Variants in NKAIN2 observed in about 807,000 individuals in gnomAD.
NKAIN2 encodes sodium/potassium-transporting ATPase subunit beta-1-interacting protein 2.
NKAIN2 carries 14 observed loss-of-function variants against 32.6 expected under a neutral mutation model. The observed-to-expected ratio is 0.43, with a 90% confidence interval of 0.28 to 0.67. The LOEUF (loss-of-function observed/expected upper bound fraction) is 0.67, where lower values mean the gene tolerates loss of function less well. Among genes scored for constraint, NKAIN2 ranks in the 30% least tolerant of loss-of-function variants. NKAIN2 has a pLI of 0.17. For missense variants in NKAIN2, 198 were observed against 258.3 expected, an observed-to-expected ratio of 0.77 and a Z score of 1.60; for synonymous variants, 80 against 87.2, an observed-to-expected ratio of 0.92 and a Z score of 0.46.
At chr6:124,015,669 A>T (rs1225908746) in intron 1 of NKAIN2, among the ~76,000 whole-genome samples, 1 of 152,196 alleles carries the variant, frequency 6.6e-6, no homozygotes, top group African/African-American at 2.4e-5. Flanking sequence ...ATCATTAGCT[A>T]TGACTGGGTC....
intron 1 of NKAIN2, among the ~76,000 whole-genome samples, chr6:124,023,353 A>C (rs2114765761): frequency 6.6e-6 from 1 of 151,458 alleles, no homozygotes; most frequent in African/African-American, 2.4e-5. Flanking sequence ...TTTTTCTAAT[A>C]CTCCTTCATT....
At position 124,011,915 on chromosome 6, in the gene NKAIN2, G is replaced by C. The variant is rs147525456; in HGVS notation, c.54+207661G>C. On this transcript the variant is annotated intron_variant, in intron 1 of 6. Transcript: ENST00000368417. ...CTCCCATGATTATGAACATCAATGGGCTTTTCATGATAAATAGGACAGAAT... is the reference window on the plus strand; with the variant it reads ...CTCCCATGATTATGAACATCAATGGCCTTTTCATGATAAATAGGACAGAAT... Among the ~76,000 whole-genome samples, 244 of 152,188 alleles carry C rather than the reference G, an allele frequency of 1.6e-3. 2 individuals are homozygous for C. The highest frequency in any genetic ancestry group is 5.6e-3 in the African/African-American group (231 of 41,526).
intron 1 of NKAIN2, among the ~76,000 whole-genome samples, chr6:123,861,129 A>C (rs1191831186): frequency 6.6e-6 from 1 of 152,202 alleles, no homozygotes; most frequent in Non-Finnish European, 1.5e-5. Context: ...AGGGGCAGAT[A>C]ATGGCTTCCA....
intron 2 of NKAIN2, among the ~76,000 whole-genome samples, chr6:124,341,382 T>G (rs1220759699): frequency 6.6e-6 from 1 of 152,072 alleles, no homozygotes; most frequent in East Asian, 1.9e-4. Context: ...TAAACACATA[T>G]TAAACCATAT....
At position 124,577,926 on chromosome 6, in the gene NKAIN2, C is replaced by T. The variant is rs541439136; in HGVS notation, c.274-80260C>T. ...CCTGAGGCCCGCATTCCAGGCCGTA[C>T]CTTCTAGACAACATTTCTAGACATG... On this transcript the variant is annotated intron_variant, in intron 3 of 6. Transcript: ENST00000368417. 2.6e-5 allele frequency among the ~76,000 whole-genome samples: 4 copies of T among 152,274 alleles called. No individual in the cohort carries two copies. In the South Asian group the frequency reaches 8.3e-4, roughly 32 times the overall value.
In NKAIN2 at chr6:124,244,513, A is replaced by G. The variant is rs551740668; in HGVS notation, c.55-38492A>G. ...ACTGAATGGCTTGTCAAACAGCTTAAGTCAGCCGACCAATCTACCACTATT... is the reference window on the plus strand; with the variant it reads ...ACTGAATGGCTTGTCAAACAGCTTAGGTCAGCCGACCAATCTACCACTATT... On this transcript the variant is annotated intron_variant, in intron 1 of 6. Coordinates refer to ENST00000368417, the MANE Select transcript of NKAIN2 (RefSeq NM_001040214.3). 3.9e-5 allele frequency among the ~76,000 whole-genome samples: 6 copies of G among 152,076 alleles called. No homozygotes were observed. The South Asian group carries it at 1.2e-3, about 32-fold the overall frequency.
chr6:124,412,822 C>A (rs958395950), intron 3 of NKAIN2, among the ~76,000 whole-genome samples: 3 of 152,160 alleles, frequency 2.0e-5, no homozygotes. Context: ...TGGGCTCCAC[C>A]CAGTTCGAGC....
chr6:124,596,663 G>GGTGTGTGTGTGTGTGTGT, intron 3 of NKAIN2, among the ~76,000 whole-genome samples: 2 of 142,602 alleles, frequency 1.4e-5, no homozygotes, highest in South Asian at 4.8e-4. Context: ...TAAACCATAG[G>GGTGTGTGTGTGTGTGTGT]GTGTGTGTGT....
At chr6:124,718,104 T>G (rs1316829626) in intron 4 of NKAIN2, among the ~76,000 whole-genome samples, 2 of 152,180 alleles carry the variant, frequency 1.3e-5, no homozygotes, top group African/African-American at 4.8e-5. Context: ...ACTATGAAAT[T>G]CACCAAAACA....
chr6:124,583,864 A>G (rs753063500), intron 3 of NKAIN2, among the ~76,000 whole-genome samples: 9 of 152,226 alleles, frequency 5.9e-5, no homozygotes, highest in African/African-American at 9.6e-5. Flanking sequence ...TTCATTTTCC[A>G]TAAAGGTGCC....
chr6:124,181,374 G>A (rs1487826588), intron 1 of NKAIN2, among the ~76,000 whole-genome samples: 2 of 152,082 alleles, frequency 1.3e-5, no homozygotes, highest in African/African-American at 4.8e-5. Flanking sequence ...TATTGTCTTG[G>A]TGATTAACAT....
intron 1 of NKAIN2, among the ~76,000 whole-genome samples, chr6:124,105,024 T>C (rs1259528934): frequency 1.3e-5 from 2 of 152,140 alleles, no homozygotes; most frequent in African/African-American, 4.8e-5. Flanking sequence ...TTGGATGCGG[T>C]TGTGAGGTAC....
At chr6:124,285,207 G>C (rs927594825) in intron 2 of NKAIN2, among the ~76,000 whole-genome samples, 5 of 152,128 alleles carry the variant, frequency 3.3e-5, no homozygotes, top group Non-Finnish European at 7.3e-5. Context: ...TCTTTTGCCG[G>C]CTGGAGATGA....
At chr6:123,973,843 G>T (rs1440973381) in intron 1 of NKAIN2, among the ~76,000 whole-genome samples, 1 of 152,048 alleles carries the variant, frequency 6.6e-6, no homozygotes, top group Non-Finnish European at 1.5e-5. Context: ...GCTCAATGTT[G>T]TGATAAATAC....
intron 4 of NKAIN2, among the ~76,000 whole-genome samples, chr6:124,687,376 TGGA>T (rs1773982583): frequency 6.3e-5 from 8 of 126,506 alleles, no homozygotes; most frequent in African/African-American, 2.3e-4. Flanking sequence ...TACACATACA[TGGA>T]ATATATATAT....
intron 4 of NKAIN2, among the ~76,000 whole-genome samples, chr6:124,779,310 GGGA>G (rs1779142650): frequency 1.0e-5 from 1 of 95,752 alleles, no homozygotes; most frequent in African/African-American, 4.5e-5. Flanking sequence ...GAGGGAGGGA[GGGA>G]GGGAGGGAAG....
intron 1 of NKAIN2, among the ~76,000 whole-genome samples, chr6:123,859,005 A>C (rs1267034802): frequency 6.6e-6 from 1 of 152,204 alleles, no homozygotes; most frequent in Admixed American, 6.5e-5. Context: ...ATATATGTGC[A>C]TATGTATAAC....
At chr6:124,580,672 G>A (rs919311945) in intron 3 of NKAIN2, among the ~76,000 whole-genome samples, 1 of 151,996 alleles carries the variant, frequency 6.6e-6, no homozygotes, top group Non-Finnish European at 1.5e-5. Context: ...CAATAACATC[G>A]AATATAAAAG....
chr6:124,155,546 A>G (rs1787940904), intron 1 of NKAIN2, among the ~76,000 whole-genome samples: 1 of 152,036 alleles, frequency 6.6e-6, no homozygotes, highest in Admixed American at 6.6e-5. Flanking sequence ...GGAAAAAATG[A>G]GAGTCTTATT....
Sources: allele counts gnomAD v4.1 joint callset (sites outside exome capture counted in the v4.1 genomes callset), GRCh38; gene constraint gnomAD v4.1.1; transcripts MANE v1.5; gene names NCBI Gene and HGNC (gene_info 2026-07-23, HGNC 2026-07-21).